Variants in NALCN observed in about 807,000 individuals in gnomAD.
The protein encoded by NALCN is sodium leak channel NALCN.
A neutral mutation model predicts 225.3 loss-of-function variants in NALCN; 111 were observed. The observed-to-expected ratio is 0.49, with a 90% CI of 0.42 to 0.58. NALCN has a LOEUF of 0.58. NALCN is among the 20% of genes least tolerant of loss of function. NALCN has a pLI of 0.00. For synonymous variants in NALCN, 764 were observed against 769.0 expected (o/e 0.99, Z 0.11); for missense variants, 1,378 against 2,202.4 (o/e 0.63, Z 7.49).
At chr13:101,118,506 A>G (rs946588839) in intron 18 of NALCN, among the ~76,000 whole-genome samples, 8 of 152,210 alleles carry the variant, frequency 5.3e-5, no homozygotes, top group Admixed American at 4.6e-4. Context: ...GCAAAAACAT[A>G]TATCTACACA....
At chr13:101,411,345 CTTTTT>C (rs35728574) in intron 1 of NALCN, among the ~76,000 whole-genome samples, 1 of 138,240 alleles carries the variant, frequency 7.2e-6, no homozygotes, top group Non-Finnish European at 1.5e-5. Context: ...AAGCATCAGA[CTTTTT>C]TTTTTTTTTT....
At chr13:101,132,339 T>C (rs2036558088) in intron 17 of NALCN, among the ~76,000 whole-genome samples, 1 of 152,120 alleles carries the variant, frequency 6.6e-6, no homozygotes, top group Admixed American at 6.5e-5. Context: ...CTGATTTTGT[T>C]ACATTTTGGT....
intron 11 of NALCN, among the ~76,000 whole-genome samples, chr13:101,254,543 C>T (rs1387298104): frequency 1.3e-5 from 2 of 151,820 alleles, no homozygotes; most frequent in East Asian, 1.9e-4. Context: ...ATTTATTTTT[C>T]CAGGATTTCA....
chr13:101,220,461 C>G (rs1265617670), intron 13 of NALCN, among the ~76,000 whole-genome samples: 1 of 152,102 alleles, frequency 6.6e-6, no homozygotes, highest in Admixed American at 6.5e-5. Context: ...GATAATGACC[C>G]CTTTTGTAAT....
intron 18 of NALCN, among the ~76,000 whole-genome samples, chr13:101,114,182 G>C (rs777346359): frequency 2.6e-5 from 4 of 152,184 alleles, no homozygotes; most frequent in Non-Finnish European, 5.9e-5. Flanking sequence ...GCTTTTATAA[G>C]CTGTGGGACC....
chr13:101,386,284 T>G (rs1486748267), intron 3 of NALCN, among the ~76,000 whole-genome samples: 1 of 152,228 alleles, frequency 6.6e-6, no homozygotes, highest in Non-Finnish European at 1.5e-5. Flanking sequence ...GTGCCTATTT[T>G]CTGAAAATAT....
chr13:101,241,321 C>A (rs2041751035), intron 11 of NALCN, among the ~76,000 whole-genome samples: 1 of 152,194 alleles, frequency 6.6e-6, no homozygotes, highest in Non-Finnish European at 1.5e-5. Flanking sequence ...AATTTGGGTC[C>A]CCCTTAAATC....
At chr13:101,271,992 G>C (rs1462848660) in intron 10 of NALCN, among the ~76,000 whole-genome samples, 1 of 145,282 alleles carries the variant, frequency 6.9e-6, no homozygotes, top group Non-Finnish European at 1.5e-5. Flanking sequence ...CTGTGTGCAT[G>C]TGTGTGTCTG....
chr13:101,125,425 C>A (rs559598500), intron 17 of NALCN, among the ~76,000 whole-genome samples: 1 of 152,192 alleles, frequency 6.6e-6, no homozygotes, highest in East Asian at 1.9e-4. Flanking sequence ...AAGTGTAACT[C>A]CAGTAGTCAG....
chr13:101,230,130 C>T (rs536459567), intron 12 of NALCN, among the ~76,000 whole-genome samples: 1 of 152,262 alleles, frequency 6.6e-6, no homozygotes, highest in South Asian at 2.1e-4. Flanking sequence ...TGTGTTTAGA[C>T]TTGGGTCCCA....
intron 19 of NALCN, 97 bp downstream of exon 19, chr13:101,111,028 C>A: frequency 8.0e-7 from 1 of 1,246,208 alleles, no homozygotes; most frequent in Non-Finnish European, 1.1e-6. Context: ...GCCTGTCTGG[C>A]AGCCAGGGCT....
At chr13:101,296,162 A>G (rs1426803502) in intron 7 of NALCN, among the ~76,000 whole-genome samples, 1 of 152,134 alleles carries the variant, frequency 6.6e-6, no homozygotes, top group African/African-American at 2.4e-5. Flanking sequence ...CACTCGTCAT[A>G]CTGAATTCTC....
At chr13:101,248,896 C>T (rs1427409435) in intron 11 of NALCN, among the ~76,000 whole-genome samples, 1 of 152,044 alleles carries the variant, frequency 6.6e-6, no homozygotes, top group East Asian at 1.9e-4. Context: ...GAGTTTTTAG[C>T]CTGTTGATAT....
chr13:101,065,923 G>C (rs1205421582), intron 39 of NALCN, among the ~76,000 whole-genome samples: 1 of 152,166 alleles, frequency 6.6e-6, no homozygotes, highest in African/African-American at 2.4e-5. Flanking sequence ...CATGCACTGA[G>C]TGGGCCATAA....
intron 3 of NALCN, among the ~76,000 whole-genome samples, chr13:101,390,255 C>CT (rs1236106859): frequency 1.3e-5 from 2 of 151,384 alleles, no homozygotes; most frequent in Non-Finnish European, 2.9e-5. Context: ...GAAATGATGT[C>CT]TAAATGATAA....
chr13:101,140,379 C>G (rs1162485134), intron 17 of NALCN, among the ~76,000 whole-genome samples: 1 of 152,120 alleles, frequency 6.6e-6, no homozygotes, highest in Non-Finnish European at 1.5e-5. Context: ...ATGTGAGAAA[C>G]AATCACATTT....
chr13:101,176,198 T>C (rs992666640), intron 15 of NALCN, 102 bp downstream of exon 15: 32 of 771,038 alleles, frequency 4.2e-5, no homozygotes, highest in Non-Finnish European at 5.5e-5. Context: ...TATTACATTT[T>C]ATTTTTACTT....
At chr13:101,324,356 A>G (rs527328) in intron 7 of NALCN, among the ~76,000 whole-genome samples, 1 of 152,192 alleles carries the variant, frequency 6.6e-6, no homozygotes, top group Admixed American at 6.5e-5. Context: ...AAACACTAAA[A>G]CTTTGTAACA....
At chr13:101,146,340 G>A (rs910347891) in intron 15 of NALCN, among the ~76,000 whole-genome samples, 2 of 152,174 alleles carry the variant, frequency 1.3e-5, no homozygotes, top group Non-Finnish European at 2.9e-5. Flanking sequence ...CCTAACTGGA[G>A]TGCTCAACGC....
Sources: allele counts gnomAD v4.1 joint callset (sites outside exome capture counted in the v4.1 genomes callset), GRCh38; gene constraint gnomAD v4.1.1; transcripts MANE v1.5; gene names NCBI Gene and HGNC (gene_info 2026-07-23, HGNC 2026-07-21).